Variants in CFAP61 observed in about 807,000 individuals in gnomAD.
CFAP61 encodes cilia- and flagella-associated protein 61.
In CFAP61, 107 loss-of-function variants were observed where a neutral mutation model predicts 135.6. That is an observed-to-expected ratio of 0.79 (90% CI 0.67 to 0.93). The LOEUF is 0.93. Ranked by LOEUF, CFAP61 falls within the 40% of genes least tolerant of loss-of-function variation. The pLI is 0.00. For synonymous variants in CFAP61, 575 were observed against 578.5 expected (o/e 0.99, Z 0.09); for missense variants, 1,507 against 1,556.2 (o/e 0.97, Z 0.53).
chr20:20,354,613 G>A (rs566340470), intron 26 of CFAP61, among the ~76,000 whole-genome samples: 1 of 152,292 alleles, frequency 6.6e-6, no homozygotes, highest in South Asian at 2.1e-4. Flanking sequence ...AGGAAGGGGT[G>A]GTCATACTGT....
rs2057412056 is a variant in CFAP61, at chr20:20,320,410, G to GTAATATATA, written c.3423-21419_3423-21411dup. Among the ~76,000 whole-genome samples the GTAATATATA allele has an allele frequency of 3.7e-4, 19 of 50,952 alleles. 2 individuals are homozygous for GTAATATATA. Among genetic ancestry groups the GTAATATATA allele is most frequent in the Admixed American group, 1.3e-3 (6 of 4,480 alleles). The allele number at this position is 50,952 out of a possible 152,430, so 33.4% of individuals were successfully genotyped here. On this transcript the variant is annotated intron_variant, in intron 25 of 26. Coordinates refer to ENST00000245957, the MANE Select transcript of CFAP61 (RefSeq NM_015585.4). ...AATATATATAATATATGTAATATATGTAATATATATTATATATGTAATATA... is the reference window on the plus strand; with the variant it reads ...AATATATATAATATATGTAATATATGTAATATATATAATATATATTATATATGTAATATA...
At chr20:20,118,301 C>CTTTCTTTCTTTCT (rs1555873012) in intron 8 of CFAP61, among the ~76,000 whole-genome samples, 8 of 108,014 alleles carry the variant, frequency 7.4e-5, no homozygotes, top group South Asian at 2.7e-4. Context: ...TTCTTTCTTT[C>CTTTCTTTCTTTCT]TTTCTTTTCT....
chr20:20,207,974 T>C (rs959647244), intron 17 of CFAP61, among the ~76,000 whole-genome samples: 3 of 152,192 alleles, frequency 2.0e-5, no homozygotes, highest in African/African-American at 2.4e-5. Context: ...TTGTAAAGTG[T>C]GATTTTCGTG....
intron 12 of CFAP61, 59 bp from the exon 13 acceptor site, chr20:20,169,262 T>C: frequency 6.7e-7 from 1 of 1,497,646 alleles, no homozygotes; most frequent in East Asian, 2.3e-5. Flanking sequence ...TTAGAGGAAT[T>C]TGTTTTTTGA....
chr20:20,207,331 A>T (rs2056900129), intron 17 of CFAP61, among the ~76,000 whole-genome samples: 3 of 152,192 alleles, frequency 2.0e-5, no homozygotes. Flanking sequence ...AAAAGAAAAA[A>T]TTCTAAGGAT....
Position 20,182,044 on chromosome 20 carries a change from C to T in CFAP61, c.1386-5886C>T, listed in dbSNP as rs920186100. 8.5e-5 allele frequency among the ~76,000 whole-genome samples: 13 copies of T among 152,292 alleles called. No homozygotes were observed. The South Asian group carries it at 2.5e-3, about 29-fold the overall frequency. On this transcript the variant is annotated intron_variant, in intron 13 of 26. Coordinates refer to ENST00000245957, the MANE Select transcript of CFAP61 (RefSeq NM_015585.4). ...TTCTGAAGTCCTGCCAGGCCTAAGT[C>T]GGTACATAATCATTGAAGCGGACTT... is the stretch of plus-strand genomic sequence containing the variant.
At position 20,074,391 on chromosome 20, in the gene CFAP61, G is replaced by A. The variant is rs764660267; in HGVS notation, c.371+13G>A. On this transcript the variant is annotated intron_variant, in intron 4 of 26. Transcript: ENST00000245957. Reference sequence around the variant, plus strand: ...AAGAGATTCTTCGGTGAGTGGATATGGCCGTGCAGTGGTGAACATGAAAGA... The same window carrying A: ...AAGAGATTCTTCGGTGAGTGGATATAGCCGTGCAGTGGTGAACATGAAAGA... 2 of 1,608,856 alleles carry A rather than the reference G, an allele frequency of 1.2e-6. No individual in the cohort carries two copies. The highest frequency in any genetic ancestry group is 1.7e-6 in the Non-Finnish European group (2 of 1,175,164).
intron 2 of CFAP61, among the ~76,000 whole-genome samples, chr20:20,068,902 G>A (rs553978210): frequency 7.2e-5 from 11 of 152,118 alleles, no homozygotes; most frequent in Admixed American, 5.9e-4. Context: ...GTGCCATCAC[G>A]CCCAGCTGAT....
chr20:20,079,906 T>C (rs2046316419), intron 6 of CFAP61, among the ~76,000 whole-genome samples: 1 of 152,174 alleles, frequency 6.6e-6, no homozygotes, highest in African/African-American at 2.4e-5. Context: ...GTGTCTCTTG[T>C]TAGTGTCAGG....
intron 8 of CFAP61, among the ~76,000 whole-genome samples, chr20:20,131,582 A>C (rs1033305872): frequency 6.6e-6 from 1 of 151,942 alleles, no homozygotes; most frequent in African/African-American, 2.4e-5. Flanking sequence ...CAAAAAATCA[A>C]CTTTTGGCTT....
At chr20:20,336,858 C>G (rs2058210526) in intron 25 of CFAP61, among the ~76,000 whole-genome samples, 1 of 152,208 alleles carries the variant, frequency 6.6e-6, no homozygotes, top group African/African-American at 2.4e-5. Context: ...GCAGCCCTGC[C>G]ATGCCAGGCC....
chr20:20,225,576 G>A (rs2048687270), intron 17 of CFAP61: 1 of 152,172 alleles, frequency 6.6e-6, no homozygotes, highest in African/African-American at 2.4e-5. Flanking sequence ...TAGAGGAGCT[G>A]TTTCATAAAT....
chr20:20,322,482 T>A (rs2057568608), intron 25 of CFAP61, among the ~76,000 whole-genome samples: 1 of 152,208 alleles, frequency 6.6e-6, no homozygotes, highest in Admixed American at 6.5e-5. Flanking sequence ...GTTGCCTATC[T>A]GGGTGCAGGA....
At chr20:20,136,309 C>A (rs1246004856) in intron 8 of CFAP61, among the ~76,000 whole-genome samples, 2 of 152,112 alleles carry the variant, frequency 1.3e-5, no homozygotes, top group Non-Finnish European at 2.9e-5. Context: ...TTACTATCCC[C>A]TTGAATAAAC....
chr20:20,199,785 C>G lies in CFAP61; in HGVS notation c.1815C>G (p.Ala605=). 1 of 1,614,192 alleles carries G rather than the reference C, an allele frequency of 6.2e-7. No individual in the cohort carries two copies. The highest frequency in any genetic ancestry group is 1.7e-5 in the Admixed American group (1 of 60,022). ...TCTTTCAGTTCCAGAACCCCTACGC[C>G]CACTCCCTGACATCTGCCCTTCATT... ...SREGKFQNPY[A]HSLTSALHYL... The change falls in exon 17 of 27, where the codon GCC becomes GCG. Residue 605 remains alanine (A), a synonymous_variant. Transcript: ENST00000245957.
At chr20:20,180,334 G>GAA (rs574779331) in intron 13 of CFAP61, among the ~76,000 whole-genome samples, 10,932 of 130,948 alleles carry the variant, frequency 0.083, 429 homozygotes, top group Middle Eastern at 0.16. Context: ...GTCTCAAAAA[G>GAA]AAAAAAAAAA....
intron 17 of CFAP61, among the ~76,000 whole-genome samples, chr20:20,204,995 G>T (rs2056796116): frequency 6.6e-6 from 1 of 151,886 alleles, no homozygotes. Flanking sequence ...TCCTTTATGG[G>T]CTTTCTTCTT....
intron 17 of CFAP61, among the ~76,000 whole-genome samples, chr20:20,212,133 G>A (rs1259119748): frequency 1.3e-5 from 2 of 152,162 alleles, no homozygotes; most frequent in African/African-American, 4.8e-5. Flanking sequence ...TAGGACCGAG[G>A]CTGGCAGGCC....
chr20:20,297,763 A>C (rs2055751879), intron 24 of CFAP61, among the ~76,000 whole-genome samples: 1 of 152,242 alleles, frequency 6.6e-6, no homozygotes, highest in Non-Finnish European at 1.5e-5. Context: ...TAATCTTGAA[A>C]ATAACTGAAA....
Sources: gnomAD v4.1 joint callset for allele counts (sites outside exome capture counted in the v4.1 genomes callset) on GRCh38, gnomAD v4.1.1 for gene constraint, MANE v1.5 for transcripts, NCBI Gene and HGNC (gene_info 2026-07-23, HGNC 2026-07-21) for gene names.